The following ARHGEF11 variants were observed in gnomAD, a reference collection of about 807,000 sequenced individuals.
The protein encoded by ARHGEF11 is Rho guanine nucleotide exchange factor 11, also known as Rho guanine exchange factor (GEF) 11.
A neutral mutation model predicts 193.7 loss-of-function variants in ARHGEF11; 55 were observed. That is an observed-to-expected ratio of 0.28 (90% confidence interval 0.23 to 0.36). The LOEUF is 0.36. ARHGEF11 is among the 10% of genes least tolerant of loss of function. The pLI is 1.00. For missense variants in ARHGEF11, 1,723 were observed against 2,005.6 expected (o/e 0.86, Z 2.69); for synonymous variants, 693 against 768.0 (o/e 0.90, Z 1.62).
At chr1:156,978,138 C>A in intron 6 of ARHGEF11, 66 bp downstream of exon 6, 1 of 1,597,362 alleles carries the variant, frequency 6.3e-7, no homozygotes, top group Non-Finnish European at 8.5e-7. Flanking sequence ...AACTTGCTTT[C>A]CTCCCCAATG....
In ARHGEF11 at chr1:156,935,976, C is replaced by T; in HGVS notation, c.*24G>A. 1.9e-6 allele frequency: 3 copies of T among 1,605,062 alleles called. No individual in the cohort carries two copies. Among genetic ancestry groups the T allele is most frequent in the Non-Finnish European group, 1.7e-6 (2 of 1,174,378 alleles). On this transcript the variant is annotated 3_prime_UTR_variant, in exon 41 of 41. Coordinates refer to ENST00000368194, the MANE Select transcript of ARHGEF11 (RefSeq NM_198236.3). ...AGTCCCTGAAGGAGGAGTGGGGACG[C>T]AGAGGATTTGGTGGTTTGTACGGTT...
At chr1:156,969,665 C>T (rs1662242523) in intron 9 of ARHGEF11, among the ~76,000 whole-genome samples, 1 of 152,224 alleles carries the variant, frequency 6.6e-6, no homozygotes, top group Non-Finnish European at 1.5e-5. Context: ...CTTCCCAACC[C>T]TCTTCTGGTC....
Position 156,936,494 on chromosome 1 carries a change from AAAAAT to A in ARHGEF11, c.4630+317_4630+321del, listed in dbSNP as rs58594176. On this transcript the variant is annotated intron_variant, in intron 40 of 40. Coordinates refer to ENST00000368194, the MANE Select transcript of ARHGEF11 (RefSeq NM_198236.3). ...TCAAATAAATAGAAAAAAAAAAAAA[AAAAAT>A]ATATATATATATATATATATATATA... Among the ~76,000 whole-genome samples, 310 of 90,206 alleles carry A rather than the reference AAAAAT, an allele frequency of 3.4e-3. 2 individuals are homozygous for A. Among genetic ancestry groups the A allele is most frequent in the African/African-American group, 0.014 (280 of 20,514 alleles). The allele number at this position is 90,206 out of a possible 152,430, so 59.2% of individuals were successfully genotyped here.
At chr1:156,998,371 G>A (rs1239178913) in intron 1 of ARHGEF11, among the ~76,000 whole-genome samples, 1 of 152,202 alleles carries the variant, frequency 6.6e-6, no homozygotes, top group Admixed American at 6.5e-5. Flanking sequence ...GCTCAATGCC[G>A]AAGCTATGCC....
At chr1:157,036,861 T>G (rs1385337796) in intron 1 of ARHGEF11, among the ~76,000 whole-genome samples, 1 of 151,948 alleles carries the variant, frequency 6.6e-6, no homozygotes, top group Non-Finnish European at 1.5e-5. Flanking sequence ...CACGGTGGCT[T>G]ACACCTGTAA....
intron 3 of ARHGEF11, 150 bp from the exon 4 acceptor site, chr1:156,980,636 C>G: frequency 2.5e-6 from 2 of 814,582 alleles, no homozygotes; most frequent in Non-Finnish European, 4.0e-6. Flanking sequence ...CTATTCTACT[C>G]CAGTGACACA....
At chr1:156,986,725 T>C (rs1004369745) in intron 1 of ARHGEF11, among the ~76,000 whole-genome samples, 1 of 152,178 alleles carries the variant, frequency 6.6e-6, no homozygotes, top group Non-Finnish European at 1.5e-5. Flanking sequence ...TAGCTTCATC[T>C]CTTTGTCCCT....
rs1206523249 is a variant in ARHGEF11, at chr1:156,954,880, T to C, written c.1798+12A>G. ...AATGCAAAGACAAACCCAAATAAAA[T>C]GGTCCTTTTACCTTCCACAGGGGAC... On this transcript the variant is annotated intron_variant, in intron 21 of 40. Transcript: ENST00000368194. 6.2e-7 allele frequency: 1 copy of C among 1,606,310 alleles called. No individual in the cohort carries two copies. Among genetic ancestry groups the C allele is most frequent in the Admixed American group, 1.7e-5 (1 of 58,824 alleles).
chr1:156,945,976 AG>A, intron 29 of ARHGEF11, 68 bp downstream of exon 29: 1 of 1,282,032 alleles, frequency 7.8e-7, no homozygotes, highest in Non-Finnish European at 1.1e-6. Context: ...AAGGTCACAA[AG>A]CAGTGTCAGA....
At position 156,934,859 on chromosome 1, in the gene ARHGEF11, C is replaced by T. The variant is rs1366080896; in HGVS notation, c.*1141G>A. On this transcript the variant is annotated 3_prime_UTR_variant, in exon 41 of 41. Transcript: ENST00000368194. ...CACCACTGAAGGATATTTAACTTTT[C>T]TTAAAAAAAAAATCTTAACCATGAA... 2.0e-5 allele frequency: 3 copies of T among 149,838 alleles called. No individual in the cohort carries two copies. The highest frequency in any genetic ancestry group is 7.4e-5 in the African/African-American group (3 of 40,722). The allele number at this position is 149,838 out of a possible 1,614,324, so 9.3% of individuals were successfully genotyped here. A position where few individuals can be genotyped will look rare whatever the true frequency, so the allele number is the denominator to read the frequency against.
chr1:156,992,012 G>A (rs1293006894), intron 1 of ARHGEF11, among the ~76,000 whole-genome samples: 3 of 152,098 alleles, frequency 2.0e-5, no homozygotes, highest in Non-Finnish European at 4.4e-5. Flanking sequence ...CACCGCGCCC[G>A]GCCAAGCTTA....
At position 156,969,206 on chromosome 1, in the gene ARHGEF11, T is replaced by A. The variant is rs1571296595; in HGVS notation, c.825+76A>T. On this transcript the variant is annotated intron_variant, in intron 10 of 40. Coordinates refer to ENST00000368194, the MANE Select transcript of ARHGEF11 (RefSeq NM_198236.3). Reference sequence around the variant, plus strand: ...CACACAGAGGCCTCAGTGCAGCTGGTAGGCAGCAGAACTTGGGTCAAGGGA... The same window carrying A: ...CACACAGAGGCCTCAGTGCAGCTGGAAGGCAGCAGAACTTGGGTCAAGGGA... The A allele has an allele frequency of 2.5e-6, 3 of 1,200,668 alleles. No homozygotes were observed. In the South Asian group the frequency reaches 3.9e-5, roughly 16 times the overall value. The allele number at this position is 1,200,668 out of a possible 1,614,324, so 74.4% of individuals were successfully genotyped here.
At chr1:157,036,176 C>T (rs1026446731) in intron 1 of ARHGEF11, among the ~76,000 whole-genome samples, 4 of 131,096 alleles carry the variant, frequency 3.1e-5, no homozygotes, top group Non-Finnish European at 6.5e-5. Context: ...TATATGAATA[C>T]ATATATGAAT....
chr1:156,984,272 G>A, intron 3 of ARHGEF11, 67 bp downstream of exon 3: 1 of 1,260,492 alleles, frequency 7.9e-7, no homozygotes, highest in Non-Finnish European at 1.1e-6. Context: ...AGGTAGAATG[G>A]CACTGTCACA....
intron 37 of ARHGEF11, 80 bp downstream of exon 37, chr1:156,939,468 G>T (rs1656301446): frequency 2.5e-6 from 4 of 1,588,864 alleles, no homozygotes. Context: ...GGAGTATAGG[G>T]AAGGAAGCAG....
chr1:156,937,119 G>A (rs1257706843), intron 39 of ARHGEF11, 114 bp from the exon 40 acceptor site: 20 of 1,565,198 alleles, frequency 1.3e-5, no homozygotes, highest in Admixed American at 7.1e-5. Context: ...GTGGCTGGGC[G>A]GGCTGGGGGA....
At chr1:157,010,768 A>C (rs752139510) in intron 1 of ARHGEF11, among the ~76,000 whole-genome samples, 1 of 152,184 alleles carries the variant, frequency 6.6e-6, no homozygotes, top group Non-Finnish European at 1.5e-5. Flanking sequence ...TAAGAAAACA[A>C]TCCCATATTA....
intron 7 of ARHGEF11, 98 bp from the exon 8 acceptor site, chr1:156,971,914 C>A: frequency 7.1e-7 from 1 of 1,409,810 alleles, no homozygotes; most frequent in Non-Finnish European, 9.5e-7. Flanking sequence ...GGCAGTTATC[C>A]CAAAACAAAG....
rs200796136 is a variant in ARHGEF11 at position 156,947,871 on chromosome 1, G to C, written c.2239C>G (p.Leu747Val). ...TTTTGGGCATCTGGCTCTGGCTCCA[G>C]GTCAGACAGCTGGCCCAGATCATCC... ...LEDDLGQLSD[L>V]EPEPDAQNWQ... Residue 747 changes from leucine (L) to valine (V), a missense_variant, in exon 25 of 41, where the codon CTG becomes GTG. Coordinates refer to ENST00000368194, the MANE Select transcript of ARHGEF11 (RefSeq NM_198236.3). 1 of 1,614,142 alleles carries C rather than the reference G, an allele frequency of 6.2e-7. No homozygotes were observed. The highest frequency in any genetic ancestry group is 2.2e-5 in the East Asian group (1 of 44,882).
Sources: gnomAD v4.1 joint callset for allele counts (sites outside exome capture counted in the v4.1 genomes callset) on GRCh38, gnomAD v4.1.1 for gene constraint, MANE v1.5 for transcripts, NCBI Gene and HGNC (gene_info 2026-07-23, HGNC 2026-07-21) for gene names.